NAV2: variants seen among roughly 807,000 people sequenced by gnomAD.
NAV2 encodes the protein helicase, APC down-regulated 1.
NAV2 carries 54 observed loss-of-function variants against 223.2 expected under a neutral mutation model. The ratio of observed to expected loss-of-function variants is 0.24; its 90% CI spans 0.19 to 0.30. NAV2 has a LOEUF of 0.30. Ranked by LOEUF, NAV2 falls within the 10% of genes least tolerant of loss-of-function variation. NAV2 has a pLI of 1.00. For synonymous variants in NAV2, 1,279 were observed against 1,239.3 expected (o/e 1.03, Z -0.67); for missense variants, 2,806 against 3,147.5 (o/e 0.89, Z 2.60).
At chr11:19,758,674 T>C (rs1429417347) in intron 1 of NAV2, among the ~76,000 whole-genome samples, 1 of 152,180 alleles carries the variant, frequency 6.6e-6, no homozygotes, top group Non-Finnish European at 1.5e-5. Context: ...GGTTCAGGCT[T>C]GGGGCCCTGT....
chr11:19,365,075 G>A (rs1854187142), intron 1 of NAV2, among the ~76,000 whole-genome samples: 1 of 152,170 alleles, frequency 6.6e-6, no homozygotes, highest in Admixed American at 6.5e-5. Flanking sequence ...TTCCAGATAT[G>A]CTTAGAGCCC....
At chr11:19,452,107 AGTGT>A (rs60628637) in intron 1 of NAV2, among the ~76,000 whole-genome samples, 23,064 of 146,512 alleles carry the variant, frequency 0.16, 2,127 homozygotes, top group East Asian at 0.38. Context: ...AGGTTACAAA[AGTGT>A]GTGTGTGTGT....
chr11:19,645,472 C>A (rs2047789959), intron 1 of NAV2, among the ~76,000 whole-genome samples: 1 of 152,094 alleles, frequency 6.6e-6, no homozygotes, highest in Non-Finnish European at 1.5e-5. Flanking sequence ...CTTTGGGGGC[C>A]ATAATTCCAC....
At chr11:20,039,045 C>A (rs1166484481) in intron 12 of NAV2, among the ~76,000 whole-genome samples, 3 of 152,182 alleles carry the variant, frequency 2.0e-5, no homozygotes, top group African/African-American at 7.2e-5. Context: ...GCATCAGCTC[C>A]TGTGCCCACT....
At chr11:19,996,296 G>A (rs2051873424) in intron 11 of NAV2, among the ~76,000 whole-genome samples, 1 of 152,192 alleles carries the variant, frequency 6.6e-6, no homozygotes, top group African/African-American at 2.4e-5. Flanking sequence ...TGAGTAATAA[G>A]TGAGCATCCC....
chr11:19,939,357 G>T (rs1339746199), intron 7 of NAV2, among the ~76,000 whole-genome samples: 1 of 152,166 alleles, frequency 6.6e-6, no homozygotes, highest in Admixed American at 6.5e-5. Flanking sequence ...GTACCCTCCA[G>T]CATGTGTCTG....
chr11:19,713,185 C>T lies in NAV2; in HGVS notation c.-511C>T, dbSNP rs2049987773. ...TGGGACCCTTGCGCCCTTCTTCTCTCCTTCCTTCGCTGCTGTCTCCTTTCC... is the reference window on the plus strand; with the variant it reads ...TGGGACCCTTGCGCCCTTCTTCTCTTCTTCCTTCGCTGCTGTCTCCTTTCC... On this transcript the variant is annotated 5_prime_UTR_variant, in exon 1 of 38. Coordinates refer to ENST00000349880, the MANE Select transcript of NAV2 (RefSeq NM_145117.5). This position sits in a 1 kb window ranked among gnomAD's most constrained non-coding sequence, Gnocchi z 7.2. 6.8e-6 allele frequency: 3 copies of T among 444,204 alleles called. No individual in the cohort carries two copies. The highest frequency in any genetic ancestry group is 6.0e-6 in the Non-Finnish European group (2 of 335,292). 27.5% of individuals were successfully genotyped at this position (444,204 alleles called of 1,614,324 possible).
chr11:19,350,181 G>A (rs1232699247), upstream of NAV2, among the ~76,000 whole-genome samples: 2 of 152,024 alleles, frequency 1.3e-5, no homozygotes, highest in Admixed American at 6.6e-5. Flanking sequence ...TTTCCAGAAC[G>A]TGAGAAGTGG....
chr11:19,687,788 T>C (rs72907925), intron 1 of NAV2, among the ~76,000 whole-genome samples: 129,611 of 151,216 alleles, frequency 0.86, 56,224 homozygotes, highest in Middle Eastern at 0.95. Context: ...TGCATGCGTG[T>C]GTGTGTGTGT....
rs1442566776 is a variant in NAV2 at position 19,465,387 on chromosome 11, T to C, written c.75+114360T>C. ...GAGTCGAATCACAGATCTTAACTTT[T>C]TCTTTTATAAAATAGCTTCTTTGTA... On this transcript the variant is annotated intron_variant, in intron 1 of 37. Transcript: ENST00000360655. Among the ~76,000 whole-genome samples, 5 of 152,242 alleles carry C rather than the reference T, an allele frequency of 3.3e-5. No individual in the cohort carries two copies. In the East Asian group the frequency reaches 9.6e-4, roughly 29 times the overall value.
chr11:20,059,003 G>A (rs746198998), intron 19 of NAV2, among the ~76,000 whole-genome samples: 57 of 151,886 alleles, frequency 3.8e-4, no homozygotes, highest in Non-Finnish European at 7.5e-4. Context: ...CAGCCACAAT[G>A]ATGTCTTAAG....
rs2061004300 is a variant in NAV2, at chr11:20,093,534, T to C, written c.5916+335T>C. On this transcript the variant is annotated intron_variant, in intron 29 of 37. Transcript: ENST00000349880. Reference sequence around the variant, plus strand: ...TCCCAAAGCACTTCAGAGGCAGCTATGCACATTCAGCATGTAAGGTACAGA... The same window carrying C: ...TCCCAAAGCACTTCAGAGGCAGCTACGCACATTCAGCATGTAAGGTACAGA... 1.3e-5 allele frequency among the ~76,000 whole-genome samples: 2 copies of C among 152,322 alleles called. 1 individual carries two copies. The highest frequency in any genetic ancestry group is 4.1e-4 in the South Asian group (2 of 4,820).
chr11:19,893,121 T>A (rs1334202297), intron 6 of NAV2, among the ~76,000 whole-genome samples: 2 of 143,944 alleles, frequency 1.4e-5, no homozygotes, highest in African/African-American at 5.1e-5. Context: ...ATGATGTAAC[T>A]TTTGCCATAA....
At chr11:19,658,972 C>A (rs965265782) in intron 1 of NAV2, among the ~76,000 whole-genome samples, 2 of 152,166 alleles carry the variant, frequency 1.3e-5, no homozygotes, top group African/African-American at 4.8e-5. Context: ...AAACATTCGA[C>A]AAACACAAGC....
intron 1 of NAV2, among the ~76,000 whole-genome samples, chr11:19,825,291 CAAAAAAAAAAAAA>C (rs58499844): frequency 1.5e-4 from 7 of 48,224 alleles, no homozygotes; most frequent in African/African-American, 3.7e-4. Flanking sequence ...GACTCTGTCT[CAAAAAAAAAAAAA>C]AAAAAAAAAA....
intron 1 of NAV2, among the ~76,000 whole-genome samples, chr11:19,583,602 T>C (rs1450402725): frequency 5.3e-5 from 8 of 152,258 alleles, no homozygotes; most frequent in Non-Finnish European, 4.4e-5. Context: ...TGTTGAATTT[T>C]GTTGAAGGCC....
At chr11:19,832,785 G>A (rs1452012190) in intron 2 of NAV2, among the ~76,000 whole-genome samples, 184 bp downstream of exon 2, 1 of 152,158 alleles carries the variant, frequency 6.6e-6, no homozygotes, top group Non-Finnish European at 1.5e-5. Flanking sequence ...TGCTTTTCCT[G>A]TTAAGGTCAC....
At chr11:19,553,580 T>G (rs146347898) in intron 1 of NAV2, among the ~76,000 whole-genome samples, 237 of 152,356 alleles carry the variant, frequency 1.6e-3, no homozygotes, top group Middle Eastern at 6.8e-3. Flanking sequence ...CCAGCTGATT[T>G]TCAATGCCTA....
At chr11:19,609,726 A>G (rs2046583198) in intron 1 of NAV2, among the ~76,000 whole-genome samples, 1 of 152,180 alleles carries the variant, frequency 6.6e-6, no homozygotes, top group South Asian at 2.1e-4. Context: ...TTAAATATCT[A>G]GAATCAATTG....
Sources: allele counts gnomAD v4.1 joint callset (sites outside exome capture counted in the v4.1 genomes callset), GRCh38; gene constraint gnomAD v4.1.1; non-coding constraint Gnocchi (gnomAD v3.1); transcripts MANE v1.5; gene names NCBI Gene and HGNC (gene_info 2026-07-23, HGNC 2026-07-21).